RASAL2: variants seen among roughly 807,000 people sequenced by gnomAD.
RASAL2 encodes ras GTPase-activating protein nGAP.
A neutral mutation model predicts 128.9 loss-of-function variants in RASAL2; 58 were observed. The observed-to-expected ratio is 0.45, with a 90% confidence interval of 0.36 to 0.56. RASAL2 has a LOEUF of 0.56. Among genes scored for constraint, RASAL2 ranks in the 20% least tolerant of loss-of-function variants. The pLI is 0.00. For synonymous variants in RASAL2, 561 were observed against 580.8 expected, an observed-to-expected ratio of 0.97 and a Z score of 0.49; for missense variants, 1,360 against 1,601.6, an observed-to-expected ratio of 0.85 and a Z score of 2.57.
At chr1:178,408,757 T>C (rs1674161257) in intron 4 of RASAL2, among the ~76,000 whole-genome samples, 1 of 152,144 alleles carries the variant, frequency 6.6e-6, no homozygotes, top group South Asian at 2.1e-4. Flanking sequence ...TAAGTTATGT[T>C]ATAGTACTTA....
At chr1:178,406,285 G>A (rs551269649) in intron 4 of RASAL2, among the ~76,000 whole-genome samples, 62 of 152,180 alleles carry the variant, frequency 4.1e-4, no homozygotes, top group Non-Finnish European at 1.9e-4. Flanking sequence ...ACATGCAACA[G>A]CATGCATAAA....
At position 178,203,664 on chromosome 1, in the gene RASAL2, A is replaced by C. The variant is rs573795260; in HGVS notation, c.203-79900A>C. On this transcript the variant is annotated intron_variant, in intron 1 of 17. Coordinates refer to ENST00000367649, the MANE Select transcript of RASAL2 (RefSeq NM_170692.4). ...ACAACAGTGATTCCATTAAACTGGAAGTTAATATTGCCACCTGGACACTTT... is the reference window on the plus strand; with the variant it reads ...ACAACAGTGATTCCATTAAACTGGACGTTAATATTGCCACCTGGACACTTT... 2.0e-5 allele frequency among the ~76,000 whole-genome samples: 3 copies of C among 152,318 alleles called. No individual in the cohort carries two copies. The East Asian group carries it at 5.8e-4, about 29-fold the overall frequency.
chr1:178,200,614 G>A (rs1276260761), intron 1 of RASAL2, among the ~76,000 whole-genome samples: 2 of 152,148 alleles, frequency 1.3e-5, no homozygotes, highest in Non-Finnish European at 2.9e-5. Flanking sequence ...AGTTGAAATT[G>A]TGGGAAAACA....
At chr1:178,238,101 C>T (rs1019702945) in intron 1 of RASAL2, among the ~76,000 whole-genome samples, 1 of 152,158 alleles carries the variant, frequency 6.6e-6, no homozygotes, top group Non-Finnish European at 1.5e-5. Flanking sequence ...AGGTCCCATC[C>T]ATCAGACCTA....
intron 1 of RASAL2, among the ~76,000 whole-genome samples, chr1:178,235,573 CCG>C (rs1208644159): frequency 1.3e-5 from 2 of 151,950 alleles, no homozygotes; most frequent in Non-Finnish European, 2.9e-5. Flanking sequence ...AACAGTTACT[CCG>C]CTATCTCCTA....
intron 1 of RASAL2, among the ~76,000 whole-genome samples, chr1:178,212,199 G>A (rs1316639803): frequency 1.3e-5 from 2 of 152,060 alleles, no homozygotes; most frequent in Admixed American, 6.6e-5. Context: ...CCAAAAAAAC[G>A]GCAGAATAAA....
At chr1:178,100,674 C>T (rs552431894) in intron 1 of RASAL2, among the ~76,000 whole-genome samples, 4 of 152,210 alleles carry the variant, frequency 2.6e-5, no homozygotes, top group South Asian at 4.2e-4. Flanking sequence ...GTAGTGGTTT[C>T]GGATCCTTTG....
At chr1:178,386,504 T>C (rs1340981598) in intron 3 of RASAL2, among the ~76,000 whole-genome samples, 1 of 152,196 alleles carries the variant, frequency 6.6e-6, no homozygotes, top group African/African-American at 2.4e-5. Flanking sequence ...TATTGGAGGT[T>C]ATCTCTCATC....
At chr1:178,237,933 G>A (rs1664326349) in intron 1 of RASAL2, among the ~76,000 whole-genome samples, 1 of 152,068 alleles carries the variant, frequency 6.6e-6, no homozygotes, top group Non-Finnish European at 1.5e-5. Flanking sequence ...CTGTCTCTAT[G>A]AATTCGATTC....
chr1:178,173,299 G>A (rs1658301948), intron 1 of RASAL2, among the ~76,000 whole-genome samples: 1 of 152,094 alleles, frequency 6.6e-6, no homozygotes, highest in Admixed American at 6.6e-5. Flanking sequence ...AGTCCAGTGT[G>A]TCTCCAGTAA....
At chr1:178,286,599 A>G (rs1174550825) in intron 2 of RASAL2, among the ~76,000 whole-genome samples, 1 of 152,010 alleles carries the variant, frequency 6.6e-6, no homozygotes, top group African/African-American at 2.4e-5. Flanking sequence ...TTTAGTAGAG[A>G]TGTGGTTTCA....
intron 1 of RASAL2, among the ~76,000 whole-genome samples, chr1:178,278,601 C>T (rs988976532): frequency 1.3e-5 from 2 of 151,952 alleles, no homozygotes; most frequent in South Asian, 2.1e-4. Context: ...TCTAAGGAGC[C>T]GTAAGATACA....
At chr1:178,162,048 T>G (rs1478567540) in intron 1 of RASAL2, among the ~76,000 whole-genome samples, 1 of 150,724 alleles carries the variant, frequency 6.6e-6, no homozygotes. Context: ...CACTGCAAGC[T>G]CCGCCTCTCA....
At chr1:178,411,418 G>C (rs1674376856) in intron 4 of RASAL2, among the ~76,000 whole-genome samples, 1 of 152,118 alleles carries the variant, frequency 6.6e-6, no homozygotes, top group African/African-American at 2.4e-5. Context: ...GGAGATGGGT[G>C]AGGGATAAAA....
chr1:178,301,723 C>T (rs1042986454), intron 3 of RASAL2, among the ~76,000 whole-genome samples: 5 of 152,126 alleles, frequency 3.3e-5, no homozygotes, highest in Admixed American at 6.5e-5. Flanking sequence ...TGAACCACTG[C>T]GCCCAGCCTG....
At chr1:178,253,343 T>G (rs1665144352) in intron 1 of RASAL2, among the ~76,000 whole-genome samples, 1 of 152,224 alleles carries the variant, frequency 6.6e-6, no homozygotes, top group Admixed American at 6.5e-5. Context: ...ATGACCCATA[T>G]TTTCAAATAG....
intron 4 of RASAL2, among the ~76,000 whole-genome samples, chr1:178,404,186 A>G (rs1673832966): frequency 6.7e-6 from 1 of 148,234 alleles, no homozygotes; most frequent in South Asian, 2.3e-4. Context: ...AGATCACGCC[A>G]TTGCACTCCA....
chr1:178,459,712 G>A (rs1021041449), intron 14 of RASAL2, among the ~76,000 whole-genome samples: 37 of 152,136 alleles, frequency 2.4e-4, no homozygotes, highest in African/African-American at 8.2e-4. Context: ...TGAAAAGCAT[G>A]ACTAACTTAA....
At chr1:178,314,159 C>T (rs1668387912) in intron 3 of RASAL2, among the ~76,000 whole-genome samples, 1 of 152,070 alleles carries the variant, frequency 6.6e-6, no homozygotes, top group Non-Finnish European at 1.5e-5. Context: ...GAATTAATTC[C>T]ACATAGGTCT....
Sources: allele counts gnomAD v4.1 joint callset (sites outside exome capture counted in the v4.1 genomes callset), GRCh38; gene constraint gnomAD v4.1.1; transcripts MANE v1.5; gene names NCBI Gene and HGNC (gene_info 2026-07-23, HGNC 2026-07-21).